SLC24A3: variants seen among roughly 807,000 people sequenced by gnomAD.
The protein encoded by SLC24A3 is solute carrier family 24 member 3.
In SLC24A3, 28 loss-of-function variants were observed where a neutral mutation model predicts 75.8. The ratio of observed to expected loss-of-function variants is 0.37; its 90% CI spans 0.27 to 0.51. SLC24A3 has a LOEUF of 0.51. Among genes scored for constraint, SLC24A3 ranks in the 20% least tolerant of loss-of-function variants. The pLI is 0.94. For synonymous variants in SLC24A3, 372 were observed against 334.1 expected (o/e 1.11, Z -1.24); for missense variants, 663 against 847.8 (o/e 0.78, Z 2.71).
intron 6 of SLC24A3, among the ~76,000 whole-genome samples, chr20:19,595,230 G>A (rs1285824585): frequency 1.3e-5 from 2 of 152,200 alleles, no homozygotes; most frequent in African/African-American, 2.4e-5. Context: ...TTTCTGCTGA[G>A]GGAATCACTG....
At chr20:19,353,747 C>T (rs3950143) in intron 2 of SLC24A3, among the ~76,000 whole-genome samples, 80,270 of 151,992 alleles carry the variant, frequency 0.53, 22,624 homozygotes, top group African/African-American at 0.73. Context: ...TCATTAGTCA[C>T]TGGGAAATGA....
At chr20:19,427,779 G>A (rs1473427778) in intron 2 of SLC24A3, among the ~76,000 whole-genome samples, 2 of 152,228 alleles carry the variant, frequency 1.3e-5, no homozygotes, top group Non-Finnish European at 2.9e-5. Flanking sequence ...TCCAGGCAGT[G>A]GGAACCAGTG....
chr20:19,462,269 G>GCTTT (rs1047915103), intron 2 of SLC24A3, among the ~76,000 whole-genome samples: 13 of 147,842 alleles, frequency 8.8e-5, no homozygotes, highest in African/African-American at 3.2e-4. Context: ...ATGGCGGGTG[G>GCTTT]CTTTCTTTCT....
intron 2 of SLC24A3, among the ~76,000 whole-genome samples, chr20:19,351,873 A>T (rs574180408): frequency 2.8e-4 from 42 of 152,306 alleles, no homozygotes; most frequent in African/African-American, 7.7e-4. Flanking sequence ...CAGCTTCAAA[A>T]CAAAAAGTTA....
rs77527145 is a variant in SLC24A3 at position 19,653,847 on chromosome 20, G to T, written c.613-215G>T. Among the ~76,000 whole-genome samples, 707 of 152,280 alleles carry T rather than the reference G, an allele frequency of 4.6e-3. 5 individuals are homozygous for T. The highest frequency in any genetic ancestry group is 0.016 in the African/African-American group (670 of 41,556). On this transcript the variant is annotated intron_variant, in intron 6 of 16. Coordinates refer to ENST00000328041, the MANE Select transcript of SLC24A3 (RefSeq NM_020689.4). ...CATTTTCTATCACCAGTTGTTTCCCGCTAACAAAATTGTTGCAGGTTTAAT... is the reference window on the plus strand; with the variant it reads ...CATTTTCTATCACCAGTTGTTTCCCTCTAACAAAATTGTTGCAGGTTTAAT...
chr20:19,292,640 A>C (rs938746693), intron 2 of SLC24A3, among the ~76,000 whole-genome samples: 2 of 152,134 alleles, frequency 1.3e-5, no homozygotes, highest in African/African-American at 4.8e-5. Context: ...GGGTGTGTAG[A>C]ATGGATAGCA....
chr20:19,303,028 G>A (rs1226071032), intron 2 of SLC24A3, among the ~76,000 whole-genome samples: 1 of 151,212 alleles, frequency 6.6e-6, no homozygotes, highest in African/African-American at 2.4e-5. Context: ...TTTTATTTTA[G>A]TTTCAGTGGT....
intron 2 of SLC24A3, among the ~76,000 whole-genome samples, chr20:19,362,377 T>G (rs913387755): frequency 6.6e-6 from 1 of 152,228 alleles, no homozygotes; most frequent in African/African-American, 2.4e-5. Flanking sequence ...CTGCTGGGTG[T>G]GTGACCGTGA....
At position 19,681,916 on chromosome 20, in the gene SLC24A3, G is replaced by A. The variant is rs138584821; in HGVS notation, c.826G>A (p.Val276Ile). The change falls in exon 10 of 17, where the codon GTC becomes ATC. Residue 276 changes from valine to isoleucine, a missense_variant. Physicochemically the swap from Val to Ile is conservative, Grantham distance 29. Coordinates refer to ENST00000328041, the MANE Select transcript of SLC24A3 (RefSeq NM_020689.4). ...ERRTKGAGNMVNGLANNAEID... is the reference protein window; with the variant it reads ...ERRTKGAGNMINGLANNAEID... The stretch of plus-strand genomic sequence containing the variant: ...GAGGACAAAAGGTGCCGGGAACATG[G>A]TCAACGGATTGGCCAACAATGCTGA... 1.5e-3 allele frequency: 2,361 copies of A among 1,614,178 alleles called. 11 individuals are homozygous for A. The highest frequency in any genetic ancestry group is 1.9e-3 in the Non-Finnish European group (2,258 of 1,180,032).
rs114742682 is a variant in SLC24A3, at chr20:19,535,291, G to A, written c.348+19727G>A. Among the ~76,000 whole-genome samples, 595 of 152,296 alleles carry A rather than the reference G, an allele frequency of 3.9e-3. 9 individuals are homozygous for A. The highest frequency in any genetic ancestry group is 0.013 in the African/African-American group (538 of 41,564). On this transcript the variant is annotated intron_variant, in intron 3 of 16. Coordinates refer to ENST00000328041, the MANE Select transcript of SLC24A3 (RefSeq NM_020689.4). ...AGTAATTTGGGCTGGACTCAACTGC[G>A]TGGTTCTTCTTGTCTTGGCTGCCTT...
In SLC24A3 at chr20:19,593,723, C is replaced by A. The variant is rs117871939; in HGVS notation, c.612+8179C>A. Among the ~76,000 whole-genome samples the A allele has an allele frequency of 8.5e-4, 130 of 152,258 alleles. 3 individuals carry two copies. The East Asian group carries it at 0.023, about 27-fold the overall frequency. Reference sequence around the variant, plus strand: ...TCCCAGAGTCAGCTTAGACCAAGGGCCTCATACCCTAAAGCTCCCTCCACA... The same window carrying A: ...TCCCAGAGTCAGCTTAGACCAAGGGACTCATACCCTAAAGCTCCCTCCACA... On this transcript the variant is annotated intron_variant, in intron 6 of 16. Transcript: ENST00000328041.
chr20:19,415,073 C>T (rs186272111), intron 2 of SLC24A3, among the ~76,000 whole-genome samples: 2 of 152,198 alleles, frequency 1.3e-5, no homozygotes, highest in African/African-American at 4.8e-5. Flanking sequence ...CATTATAATA[C>T]CTATAAATGT....
At chr20:19,425,298 G>T (rs1043917450) in intron 2 of SLC24A3, among the ~76,000 whole-genome samples, 6 of 107,918 alleles carry the variant, frequency 5.6e-5, no homozygotes, top group African/African-American at 2.0e-4. Flanking sequence ...GTGAGACTCC[G>T]TCTCAAAAAA....
At chr20:19,413,242 A>G (rs1415902734) in intron 2 of SLC24A3, among the ~76,000 whole-genome samples, 1 of 152,244 alleles carries the variant, frequency 6.6e-6, no homozygotes, top group African/African-American at 2.4e-5. Flanking sequence ...GAAAACAGAA[A>G]GAAAATGGAG....
At chr20:19,301,412 C>T (rs1266884500) in intron 2 of SLC24A3, among the ~76,000 whole-genome samples, 1 of 152,146 alleles carries the variant, frequency 6.6e-6, no homozygotes, top group Admixed American at 6.6e-5. Context: ...AAAAAGCATG[C>T]AGCCCAGAAA....
chr20:19,709,700 G>T (rs1345051862), intron 15 of SLC24A3, among the ~76,000 whole-genome samples: 2 of 152,230 alleles, frequency 1.3e-5, no homozygotes, highest in East Asian at 3.9e-4. Flanking sequence ...GCTTTACCCT[G>T]GCTTTCTGCT....
At chr20:19,567,510 TA>T (rs2030978315) in intron 3 of SLC24A3, among the ~76,000 whole-genome samples, 2 of 151,990 alleles carry the variant, frequency 1.3e-5, no homozygotes, top group Non-Finnish European at 2.9e-5. Flanking sequence ...TACTTGAGGG[TA>T]GGGGTGGGAG....
chr20:19,501,260 AT>A (rs1988379956), intron 2 of SLC24A3, among the ~76,000 whole-genome samples: 2 of 152,146 alleles, frequency 1.3e-5, no homozygotes, highest in African/African-American at 4.8e-5. Context: ...GGTATTTATC[AT>A]TTTCATCTTA....
intron 2 of SLC24A3, among the ~76,000 whole-genome samples, chr20:19,378,969 G>T (rs1197352368): frequency 6.6e-6 from 1 of 151,934 alleles, no homozygotes; most frequent in African/African-American, 2.4e-5. Flanking sequence ...CCTAACTGGG[G>T]AGTTTTAAAA....
Sources: gnomAD v4.1 joint callset for allele counts (sites outside exome capture counted in the v4.1 genomes callset) on GRCh38, gnomAD v4.1.1 for gene constraint, MANE v1.5 for transcripts, NCBI Gene and HGNC (gene_info 2026-07-23, HGNC 2026-07-21) for gene names.